The following SRRM4 variants were observed in gnomAD, a reference collection of about 807,000 sequenced individuals.
SRRM4 encodes serine/arginine repetitive matrix 4, also known as serine/arginine repetitive matrix protein 4.
SRRM4 carries 33 observed loss-of-function variants against 68.9 expected under a neutral mutation model. That is an observed-to-expected ratio of 0.48 (90% CI 0.36 to 0.64). SRRM4 has a LOEUF of 0.64. SRRM4 is among the 30% of genes least tolerant of loss of function. SRRM4 has a pLI of 0.00. For missense variants in SRRM4, 817 were observed against 827.1 expected (o/e 0.99, Z 0.15); for synonymous variants, 318 against 318.8 (o/e 1.00, Z 0.03).
chr12:119,014,681 G>A (rs1953470482), intron 1 of SRRM4, among the ~76,000 whole-genome samples: 1 of 152,154 alleles, frequency 6.6e-6, no homozygotes, highest in South Asian at 2.1e-4. Context: ...GAAGGCACAG[G>A]AAGTGAGGAG....
chr12:119,090,889 C>T (rs73408073), intron 1 of SRRM4, among the ~76,000 whole-genome samples: 2,539 of 152,306 alleles, frequency 0.017, 71 homozygotes, highest in African/African-American at 0.058. Flanking sequence ...AAGGAGACCC[C>T]TCTGGTGGCC....
chr12:119,093,125 C>T (rs745544540), intron 1 of SRRM4, among the ~76,000 whole-genome samples: 11 of 152,104 alleles, frequency 7.2e-5, no homozygotes, highest in Non-Finnish European at 1.5e-4. Context: ...GCAAGCCCCT[C>T]GCAGTAGTAT....
chr12:119,111,884 A>T (rs991683654), intron 2 of SRRM4, among the ~76,000 whole-genome samples: 1 of 152,108 alleles, frequency 6.6e-6, no homozygotes, highest in Non-Finnish European at 1.5e-5. Flanking sequence ...TCTCTACTTT[A>T]AAAATACAAA....
At chr12:119,017,278 T>G (rs1180200259) in intron 1 of SRRM4, among the ~76,000 whole-genome samples, 1 of 152,264 alleles carries the variant, frequency 6.6e-6, no homozygotes, top group Non-Finnish European at 1.5e-5. Flanking sequence ...TGGACTTTAC[T>G]GTTCCCATCT....
At chr12:119,112,154 G>A (rs1954148735) in intron 2 of SRRM4, among the ~76,000 whole-genome samples, 1 of 152,140 alleles carries the variant, frequency 6.6e-6, no homozygotes, top group South Asian at 2.1e-4. Flanking sequence ...TAACATATAA[G>A]TGTAGTTAAG....
Position 119,046,847 on chromosome 12 carries a change from T to C in SRRM4, c.132-55389T>C, listed in dbSNP as rs530448120. 4.6e-5 allele frequency among the ~76,000 whole-genome samples: 7 copies of C among 151,992 alleles called. No homozygotes were observed. The East Asian group carries it at 1.4e-3, about 30-fold the overall frequency. ...CTGGAACATAAAAACGTGTGGACTC[T>C]GGTGAAACCCCGTCTCTACTAAAAA... is the stretch of plus-strand genomic sequence containing the variant. On this transcript the variant is annotated intron_variant, in intron 1 of 12. Transcript: ENST00000267260.
At chr12:119,092,651 C>T (rs1592895165) in intron 1 of SRRM4, among the ~76,000 whole-genome samples, 2 of 152,154 alleles carry the variant, frequency 1.3e-5, no homozygotes, top group African/African-American at 4.8e-5. Flanking sequence ...AAAACACTGA[C>T]CCCAGCCACC....
At chr12:119,012,176 T>C (rs913412497) in intron 1 of SRRM4, among the ~76,000 whole-genome samples, 6 of 152,220 alleles carry the variant, frequency 3.9e-5, no homozygotes, top group African/African-American at 9.6e-5. Flanking sequence ...GGAATTCAGA[T>C]GTCTGCCCTG....
In SRRM4 at chr12:118,981,808, T is replaced by C; in HGVS notation, c.-75T>C. 1 of 1,504,156 alleles carries C rather than the reference T, an allele frequency of 6.6e-7. No individual in the cohort carries two copies. Among genetic ancestry groups the C allele is most frequent in the Non-Finnish European group, 8.9e-7 (1 of 1,117,802 alleles). The allele number at this position is 1,504,156 out of a possible 1,614,324, so 93.2% of individuals were successfully genotyped here. On this transcript the variant is annotated 5_prime_UTR_variant, in exon 1 of 13. Transcript: ENST00000267260. Reference sequence around the variant, plus strand: ...CACCCGGACAGAGCCGGGAGCTGGGTGTCGCCCCCGTTTGGAATCCACGTT... The same window carrying C: ...CACCCGGACAGAGCCGGGAGCTGGGCGTCGCCCCCGTTTGGAATCCACGTT...
intron 1 of SRRM4, among the ~76,000 whole-genome samples, chr12:119,057,460 C>T (rs1055178536): frequency 6.6e-6 from 1 of 152,202 alleles, no homozygotes; most frequent in African/African-American, 2.4e-5. Context: ...GTTTTCTGTT[C>T]CTGCATTAGT....
At chr12:119,115,401 G>C (rs1437686419) in intron 3 of SRRM4, among the ~76,000 whole-genome samples, 1 of 152,180 alleles carries the variant, frequency 6.6e-6, no homozygotes, top group Non-Finnish European at 1.5e-5. Context: ...GCCAACTCCA[G>C]AGGGGCAGGC....
intron 1 of SRRM4, among the ~76,000 whole-genome samples, chr12:119,077,734 T>G (rs1953925029): frequency 6.6e-6 from 1 of 152,196 alleles, no homozygotes; most frequent in South Asian, 2.1e-4. Context: ...ACAAAGCTCT[T>G]AGTACCCTAT....
chr12:119,007,049 A>G lies in SRRM4; in HGVS notation c.131+25036A>G, dbSNP rs552341645. Among the ~76,000 whole-genome samples the G allele has an allele frequency of 3.3e-5, 5 of 152,308 alleles. No homozygotes were observed. In the East Asian group the frequency reaches 9.6e-4, roughly 29 times the overall value. ...GGTCAGCTTTATGGATTTGCACATT[A>G]ACCCTTCCCTCCCCAGCAGCCCCTT... On this transcript the variant is annotated intron_variant, in intron 1 of 12. Coordinates refer to ENST00000267260, the MANE Select transcript of SRRM4 (RefSeq NM_194286.4).
At chr12:119,081,320 C>T (rs1218407353) in intron 1 of SRRM4, among the ~76,000 whole-genome samples, 1 of 152,064 alleles carries the variant, frequency 6.6e-6, no homozygotes, top group Non-Finnish European at 1.5e-5. Context: ...TCAGGGAACA[C>T]GTATCACTAA....
chr12:119,030,644 C>T (rs903632088), intron 1 of SRRM4, among the ~76,000 whole-genome samples: 1 of 152,192 alleles, frequency 6.6e-6, no homozygotes, highest in African/African-American at 2.4e-5. Flanking sequence ...ATCTCTCTCA[C>T]AAAATTACAA....
At chr12:119,156,262 T>A (rs1418684499) in intron 12 of SRRM4, among the ~76,000 whole-genome samples, 1 of 152,168 alleles carries the variant, frequency 6.6e-6, no homozygotes. Flanking sequence ...CCAGGCTTGC[T>A]TCATGGGGGA....
intron 8 of SRRM4, among the ~76,000 whole-genome samples, chr12:119,137,375 G>A (rs538770254): frequency 6.6e-5 from 10 of 152,242 alleles, no homozygotes; most frequent in Admixed American, 3.3e-4. Context: ...GTAAGTGAGA[G>A]GTTGCCTTTT....
intron 2 of SRRM4, among the ~76,000 whole-genome samples, chr12:119,112,711 CAAATACTG>C (rs1238315271): frequency 3.9e-5 from 6 of 152,208 alleles, no homozygotes; most frequent in African/African-American, 1.4e-4. Context: ...AACAGAAAAC[CAAATACTG>C]CATGATCTCA....
rs1390035763 is a variant in SRRM4 at position 119,156,967 on chromosome 12, C to T, written c.*169C>T. 16 of 811,744 alleles carry T rather than the reference C, an allele frequency of 2.0e-5. No individual in the cohort carries two copies. The highest frequency in any genetic ancestry group is 3.7e-6 in the Non-Finnish European group (2 of 535,856). 50.3% of individuals were successfully genotyped at this position (811,744 alleles called of 1,614,324 possible). Reference sequence around the variant, plus strand: ...GGTAAGGGGGCTTCACTCTCTAGATCAGCCTGCTAGGAGCCTCTACCAGCA... The same window carrying T: ...GGTAAGGGGGCTTCACTCTCTAGATTAGCCTGCTAGGAGCCTCTACCAGCA... On this transcript the variant is annotated 3_prime_UTR_variant, in exon 13 of 13. Coordinates refer to ENST00000267260, the MANE Select transcript of SRRM4 (RefSeq NM_194286.4).
Sources: gnomAD v4.1 joint callset for allele counts (sites outside exome capture counted in the v4.1 genomes callset) on GRCh38, gnomAD v4.1.1 for gene constraint, MANE v1.5 for transcripts, NCBI Gene and HGNC (gene_info 2026-07-23, HGNC 2026-07-21) for gene names.